THAP4: variants seen among roughly 807,000 people sequenced by gnomAD.
THAP4 encodes the protein peroxynitrite isomerase THAP4.
A neutral mutation model predicts 48.1 loss-of-function variants in THAP4; 18 were observed. That is an observed-to-expected ratio of 0.37 (90% CI 0.26 to 0.56). The LOEUF is 0.56. Ranked by LOEUF, THAP4 falls within the 20% of genes least tolerant of loss-of-function variation. The pLI is 0.78. For synonymous variants in THAP4, 345 were observed against 324.9 expected, an observed-to-expected ratio of 1.06 and a Z score of -0.66; for missense variants, 656 against 774.9, an observed-to-expected ratio of 0.85 and a Z score of 1.82.
rs1396554245 is a variant in THAP4 at position 241,601,175 on chromosome 2, G to A, written c.1614+721C>T. ...TGCCTGTAATCCCAGCTACCCAGGA[G>A]GCCGAGGCAGGAGAATCGCTTGAAC... On this transcript the variant is annotated intron_variant, in intron 5 of 5. Transcript: ENST00000407315. The surrounding 1 kb of genome is among the most constrained non-coding windows in gnomAD (Gnocchi z 4.0). Among the ~76,000 whole-genome samples, 4 of 152,180 alleles carry A rather than the reference G, an allele frequency of 2.6e-5. No individual in the cohort carries two copies. The highest frequency in any genetic ancestry group is 6.5e-5 in the Admixed American group (1 of 15,272).
intron 5 of THAP4, among the ~76,000 whole-genome samples, chr2:241,586,396 A>G (rs2125064548): frequency 6.6e-6 from 1 of 152,234 alleles, no homozygotes; most frequent in South Asian, 2.1e-4. Context: ...ACTGAACACG[A>G]GCTGTCCATC....
At chr2:241,636,516 G>A (rs2067660073) in intron 1 of THAP4, among the ~76,000 whole-genome samples, 1 of 152,210 alleles carries the variant, frequency 6.6e-6, no homozygotes, top group South Asian at 2.1e-4. Context: ...GCCCAGTCCC[G>A]GAAAGCCCTC....
intron 2 of THAP4, among the ~76,000 whole-genome samples, chr2:241,609,056 G>A (rs910778160): frequency 2.6e-5 from 4 of 152,244 alleles, no homozygotes; most frequent in Admixed American, 1.3e-4. Flanking sequence ...AAGCCCTCGA[G>A]AAGGCTGAGT....
At chr2:241,625,563 G>A (rs1410277187) in intron 2 of THAP4, among the ~76,000 whole-genome samples, 1 of 150,902 alleles carries the variant, frequency 6.6e-6, no homozygotes, top group Non-Finnish European at 1.5e-5. Context: ...TTGGGAGGGT[G>A]AGGCAGGCAG....
intron 2 of THAP4, among the ~76,000 whole-genome samples, chr2:241,615,229 C>A (rs1454711634): frequency 2.6e-5 from 4 of 152,094 alleles, no homozygotes; most frequent in Non-Finnish European, 2.9e-5. Flanking sequence ...CAAAGGAGAA[C>A]CTGGACCGCT....
At chr2:241,604,334 T>G (rs1184502538) in intron 3 of THAP4, among the ~76,000 whole-genome samples, 1 of 152,046 alleles carries the variant, frequency 6.6e-6, no homozygotes, top group Non-Finnish European at 1.5e-5. Flanking sequence ...CACTGCAACC[T>G]CCGCCTCCTG....
rs558122843 is a variant in THAP4, at chr2:241,626,025, G to C, written c.1240+6892C>G. On this transcript the variant is annotated intron_variant, in intron 2 of 5. Coordinates refer to ENST00000407315, the MANE Select transcript of THAP4 (RefSeq NM_015963.6). Reference sequence around the variant, plus strand: ...CGTCACATCAACAGGCAAATCATCTGACCGTAAATCACAGGATCACATTAA... The same window carrying C: ...CGTCACATCAACAGGCAAATCATCTCACCGTAAATCACAGGATCACATTAA... Among the ~76,000 whole-genome samples the C allele has an allele frequency of 3.3e-5, 5 of 152,214 alleles. 1 individual carries two copies. The highest frequency in any genetic ancestry group is 1.2e-4 in the African/African-American group (5 of 41,536).
chr2:241,632,687 G>A (rs745801189), intron 2 of THAP4, among the ~76,000 whole-genome samples: 1 of 152,130 alleles, frequency 6.6e-6, no homozygotes, highest in Non-Finnish European at 1.5e-5. Flanking sequence ...CCTCCTTCAC[G>A]GCCTACATCC....
rs556621913 is a variant in THAP4, at chr2:241,601,169, C to T, written c.1614+727G>A. ...GGCGCATGCCTGTAATCCCAGCTAC[C>T]CAGGAGGCCGAGGCAGGAGAATCGC... On this transcript the variant is annotated intron_variant, in intron 5 of 5. Transcript: ENST00000407315. The surrounding 1 kb of genome is among the most constrained non-coding windows in gnomAD (Gnocchi z 4.0). 1.3e-5 allele frequency among the ~76,000 whole-genome samples: 2 copies of T among 151,862 alleles called. No homozygotes were observed. Among genetic ancestry groups the T allele is most frequent in the South Asian group, 4.2e-4 (2 of 4,790 alleles).
At chr2:241,634,171 G>T in intron 1 of THAP4, 92 bp from the exon 2 acceptor site, 1 of 962,168 alleles carries the variant, frequency 1.0e-6, no homozygotes, top group Non-Finnish European at 1.5e-6. Context: ...ATTTTTGCAC[G>T]CACCCTAAGC....
intron 2 of THAP4, among the ~76,000 whole-genome samples, chr2:241,620,598 A>G (rs2067417695): frequency 7.5e-6 from 1 of 132,850 alleles, no homozygotes. Flanking sequence ...AGGGTGAGTG[A>G]GTCAGTGAGT....
Position 241,624,739 on chromosome 2 carries a change from G to A in THAP4, c.1240+8178C>T, listed in dbSNP as rs139116209. On this transcript the variant is annotated intron_variant, in intron 2 of 5. Transcript: ENST00000407315. ...CTCTTCCTGCAGGATGGAGGGGGTG[G>A]GGCTCAAAGCCCCTAGCTTCTGTTT... Among the ~76,000 whole-genome samples the A allele has an allele frequency of 4.7e-3, 714 of 152,280 alleles. 7 individuals carry two copies. The highest frequency in any genetic ancestry group is 9.4e-3 in the Admixed American group (144 of 15,300).
At chr2:241,607,931 C>T (rs563515949) in intron 2 of THAP4, among the ~76,000 whole-genome samples, 5 of 141,564 alleles carry the variant, frequency 3.5e-5, no homozygotes, top group Admixed American at 7.1e-5. Flanking sequence ...GACTGACCCC[C>T]GGCGTCTCCT....
intron 1 of THAP4, 59 bp from the exon 2 acceptor site, chr2:241,634,138 T>A: frequency 7.4e-7 from 1 of 1,356,480 alleles, no homozygotes; most frequent in Non-Finnish European, 1.0e-6. Flanking sequence ...CTTAAAATAA[T>A]CAACTGTAAA....
At chr2:241,631,025 TC>T (rs1366868319) in intron 2 of THAP4, among the ~76,000 whole-genome samples, 2 of 152,010 alleles carry the variant, frequency 1.3e-5, no homozygotes, top group African/African-American at 4.8e-5. Context: ...ACCACTGCAC[TC>T]CAACCTCGGC....
At position 241,610,107 on chromosome 2, in the gene THAP4, G is replaced by A. The variant is rs1410249664; in HGVS notation, c.1241-3634C>T. 6.6e-6 allele frequency among the ~76,000 whole-genome samples: 1 copy of A among 152,174 alleles called. No individual in the cohort carries two copies. The highest frequency in any genetic ancestry group is 2.4e-5 in the African/African-American group (1 of 41,452). On this transcript the variant is annotated intron_variant, in intron 2 of 5. Transcript: ENST00000407315. This position sits in a 1 kb window ranked among gnomAD's most constrained non-coding sequence, Gnocchi z 4.2. ...GAGGGCCCCGAGGAAGAGGCCAAGG[G>A]GCCTGGCGGCGCCCCCCAGGGTCCC... is the stretch of plus-strand genomic sequence containing the variant.
chr2:241,602,908 G>A (rs949602002), intron 4 of THAP4, 62 bp downstream of exon 4: 1 of 1,301,206 alleles, frequency 7.7e-7, no homozygotes, highest in African/African-American at 1.5e-5. Flanking sequence ...CTGCACCCCT[G>A]CTTCGAATGC....
At chr2:241,618,524 G>A (rs1210477303) in intron 2 of THAP4, among the ~76,000 whole-genome samples, 2 of 152,166 alleles carry the variant, frequency 1.3e-5, no homozygotes, top group African/African-American at 4.8e-5. Flanking sequence ...AAAGAGCTTA[G>A]GAGTCATATA....
At chr2:241,603,226 C>T in intron 3 of THAP4, 147 bp from the exon 4 acceptor site, 1 of 654,652 alleles carries the variant, frequency 1.5e-6, no homozygotes, top group South Asian at 1.7e-5. Flanking sequence ...CCACCTTGCT[C>T]ATTTTGGCTG....
Sources: gnomAD v4.1 joint callset for allele counts (sites outside exome capture counted in the v4.1 genomes callset) on GRCh38, gnomAD v4.1.1 for gene constraint, Gnocchi (gnomAD v3.1) non-coding constraint, MANE v1.5 for transcripts, NCBI Gene and HGNC (gene_info 2026-07-23, HGNC 2026-07-21) for gene names.